PLCL2: variants seen among roughly 807,000 people sequenced by gnomAD.
PLCL2 encodes inactive phospholipase C-like protein 2.
In PLCL2, 4 loss-of-function variants were observed where a neutral mutation model predicts 79.6. The observed-to-expected ratio is 0.05, with a 90% confidence interval of 0.02 to 0.11. The LOEUF (loss-of-function observed/expected upper bound fraction) is 0.11, where lower values mean the gene tolerates loss of function less well. PLCL2 is among the 10% of genes least tolerant of loss of function. PLCL2 has a pLI of 1.00. For missense variants in PLCL2, 895 were observed against 1,291.0 expected (o/e 0.69, Z 4.70); for synonymous variants, 484 against 457.7 (o/e 1.06, Z -0.73).
Position 16,886,829 on chromosome 3 carries a change from A to G in PLCL2, c.327+1463A>G, listed in dbSNP as rs553244534. On this transcript the variant is annotated intron_variant, in intron 1 of 5. Transcript: ENST00000615277. The surrounding 1 kb of genome is among the most constrained non-coding windows in gnomAD (Gnocchi z 4.2). ...AGAGTTAGGTGACATTTCTGTTTTTATTTGTCATAAAATATTTGTGGTGAT... is the reference window on the plus strand; with the variant it reads ...AGAGTTAGGTGACATTTCTGTTTTTGTTTGTCATAAAATATTTGTGGTGAT... Among the ~76,000 whole-genome samples the G allele has an allele frequency of 4.6e-5, 7 of 152,252 alleles. No homozygotes were observed. Among genetic ancestry groups the G allele is most frequent in the African/African-American group, 1.4e-4 (6 of 41,552 alleles).
At chr3:17,067,406 AT>A (rs1399384498) in intron 4 of PLCL2, among the ~76,000 whole-genome samples, 2 of 152,222 alleles carry the variant, frequency 1.3e-5, no homozygotes, top group African/African-American at 4.8e-5. Context: ...GGGATTATTT[AT>A]TTATTATATA....
chr3:16,979,382 C>A (rs2063957992), intron 1 of PLCL2, among the ~76,000 whole-genome samples: 1 of 134,106 alleles, frequency 7.5e-6, no homozygotes, highest in African/African-American at 2.9e-5. Flanking sequence ...GTGTTTCTCG[C>A]AGAGGGGGAT....
chr3:16,916,325 G>C (rs866134096), intron 1 of PLCL2, among the ~76,000 whole-genome samples: 3 of 152,022 alleles, frequency 2.0e-5, no homozygotes, highest in Non-Finnish European at 4.4e-5. Flanking sequence ...TGGGTTATAG[G>C]TTTCACTGAG....
chr3:16,986,702 C>A (rs574529985), intron 1 of PLCL2, among the ~76,000 whole-genome samples: 1 of 152,158 alleles, frequency 6.6e-6, no homozygotes, highest in Non-Finnish European at 1.5e-5. Flanking sequence ...CTCACCTGGC[C>A]CCCTAGGGGT....
chr3:17,014,056 G>A (rs910443630), intron 2 of PLCL2, among the ~76,000 whole-genome samples: 21 of 152,162 alleles, frequency 1.4e-4, no homozygotes, highest in Non-Finnish European at 2.8e-4. Flanking sequence ...TAGTGTTGAA[G>A]GTTTTTCTTT....
intron 1 of PLCL2, among the ~76,000 whole-genome samples, chr3:16,913,392 C>T (rs1696925652): frequency 6.6e-6 from 1 of 150,954 alleles, no homozygotes. Flanking sequence ...TGTGGGTTTA[C>T]TAATTTTCAT....
chr3:17,059,223 G>T (rs1463900708), intron 4 of PLCL2, among the ~76,000 whole-genome samples: 1 of 151,652 alleles, frequency 6.6e-6, no homozygotes, highest in Non-Finnish European at 1.5e-5. Flanking sequence ...AAAGAATAAA[G>T]AATTCAAAAA....
intron 4 of PLCL2, among the ~76,000 whole-genome samples, chr3:17,051,586 C>G (rs2064839470): frequency 6.6e-6 from 1 of 152,092 alleles, no homozygotes; most frequent in African/African-American, 2.4e-5. Flanking sequence ...GGAAGAGAAG[C>G]AAACAGCAGG....
chr3:16,966,275 T>A (rs1015342176), intron 1 of PLCL2, among the ~76,000 whole-genome samples: 16 of 150,448 alleles, frequency 1.1e-4, no homozygotes, highest in African/African-American at 3.9e-4. Flanking sequence ...ATTGAGATAA[T>A]CATGTGGTTT....
At chr3:16,929,569 G>A (rs2124941620) in intron 1 of PLCL2, among the ~76,000 whole-genome samples, 1 of 152,230 alleles carries the variant, frequency 6.6e-6, no homozygotes, top group East Asian at 1.9e-4. Flanking sequence ...TGATTTCTCT[G>A]TGCACAGATA....
At chr3:16,893,153 C>T (rs1696390856) in intron 1 of PLCL2, among the ~76,000 whole-genome samples, 1 of 152,210 alleles carries the variant, frequency 6.6e-6, no homozygotes, top group Non-Finnish European at 1.5e-5. Flanking sequence ...CCTCAAGTTT[C>T]TGTCTGATCT....
intron 1 of PLCL2, among the ~76,000 whole-genome samples, chr3:16,895,686 A>G (rs1051307998): frequency 4.6e-5 from 7 of 152,224 alleles, no homozygotes; most frequent in African/African-American, 1.7e-4. Flanking sequence ...TAATTCTAAC[A>G]GTCCCAAATT....
At chr3:16,920,639 G>A (rs906427869) in intron 1 of PLCL2, among the ~76,000 whole-genome samples, 2 of 152,192 alleles carry the variant, frequency 1.3e-5, no homozygotes, top group Non-Finnish European at 2.9e-5. Context: ...TTTAGGGAGG[G>A]CATACTTAAA....
intron 4 of PLCL2, among the ~76,000 whole-genome samples, chr3:17,059,368 GA>G (rs1202647403): frequency 8.0e-6 from 1 of 125,650 alleles, no homozygotes; most frequent in East Asian, 2.3e-4. Flanking sequence ...GACAGAGCGA[GA>G]ATCTGTCTCA....
In PLCL2 at chr3:16,936,306, C is replaced by T. The variant is rs187818931; in HGVS notation, c.327+50940C>T. The stretch of plus-strand genomic sequence containing the variant: ...TAGGAGAAATTTAGCTGGAATCTGG[C>T]GATAGGACTGTTTATATGTGCTTGG... On this transcript the variant is annotated intron_variant, in intron 1 of 5. Coordinates refer to ENST00000615277, the MANE Select transcript of PLCL2 (RefSeq NM_001144382.2). 1.7e-3 allele frequency among the ~76,000 whole-genome samples: 256 copies of T among 152,220 alleles called. 2 individuals are homozygous for T. The highest frequency in any genetic ancestry group is 5.5e-3 in the Admixed American group (84 of 15,286).
intron 1 of PLCL2, among the ~76,000 whole-genome samples, chr3:17,007,673 G>C (rs1322790976): frequency 6.6e-6 from 1 of 152,180 alleles, no homozygotes; most frequent in Admixed American, 6.5e-5. Context: ...TGGAAGTATA[G>C]GTAGTTAGAA....
chr3:16,898,347 T>G (rs1302933037), intron 1 of PLCL2, among the ~76,000 whole-genome samples: 1 of 152,054 alleles, frequency 6.6e-6, no homozygotes, highest in Non-Finnish European at 1.5e-5. Context: ...ATTTACCAAG[T>G]GAAGAATAAG....
chr3:17,041,247 G>A (rs2064718216), intron 3 of PLCL2, among the ~76,000 whole-genome samples: 2 of 152,172 alleles, frequency 1.3e-5, no homozygotes, highest in Admixed American at 6.5e-5. Flanking sequence ...GAATGAATGT[G>A]AAAATACTGA....
chr3:16,957,841 A>T (rs1288745272), intron 1 of PLCL2, among the ~76,000 whole-genome samples: 1 of 152,170 alleles, frequency 6.6e-6, no homozygotes, highest in Non-Finnish European at 1.5e-5. Context: ...ATCAGAGACT[A>T]GGATTGCAAC....
Sources: allele counts gnomAD v4.1 joint callset (sites outside exome capture counted in the v4.1 genomes callset), GRCh38; gene constraint gnomAD v4.1.1; non-coding constraint Gnocchi (gnomAD v3.1); transcripts MANE v1.5; gene names NCBI Gene and HGNC (gene_info 2026-07-23, HGNC 2026-07-21).